Variants in GALNT8 observed in about 807,000 individuals in gnomAD.
GALNT8 encodes probable polypeptide N-acetylgalactosaminyltransferase 8.
In GALNT8, 66 loss-of-function variants were observed where a neutral mutation model predicts 62.7. That is an observed-to-expected ratio of 1.05 (90% confidence interval 0.86 to 1.29). The LOEUF (loss-of-function observed/expected upper bound fraction) is 1.29, where lower values mean the gene tolerates loss of function less well. GALNT8 is among the 50% of genes most tolerant of loss of function. The pLI is 0.00. For synonymous variants in GALNT8, 288 were observed against 294.3 expected (o/e 0.98, Z 0.22); for missense variants, 771 against 791.8 (o/e 0.97, Z 0.32).
At position 4,772,667 on chromosome 12, in the gene GALNT8, A is replaced by G; in HGVS notation, c.*70A>G. ...AATGGCTTCTACTCCTAACACTCCC[A>G]GCTTCTTTCTCAATGAGAAAGAAAG... On this transcript the variant is annotated 3_prime_UTR_variant, in exon 11 of 11. Coordinates refer to ENST00000252318, the MANE Select transcript of GALNT8 (RefSeq NM_017417.2). 8.3e-7 allele frequency: 1 copy of G among 1,204,662 alleles called. No homozygotes were observed. The highest frequency in any genetic ancestry group is 1.2e-6 in the Non-Finnish European group (1 of 826,358). 74.6% of individuals were successfully genotyped at this position (1,204,662 alleles called of 1,614,324 possible). A position where few individuals can be genotyped will look rare whatever the true frequency, so the allele number is the denominator to read the frequency against.
chr12:4,763,823 C>T (rs4766288), intron 8 of GALNT8, 129 bp from the exon 9 acceptor site: 25,995 of 662,572 alleles, frequency 0.039, 699 homozygotes, highest in Non-Finnish European at 0.051. Flanking sequence ...GGGATCCCAG[C>T]CCTCTGCTCC....
At chr12:4,721,647 G>A (rs950067058) in intron 1 of GALNT8, among the ~76,000 whole-genome samples, 1 of 152,166 alleles carries the variant, frequency 6.6e-6, no homozygotes, top group Non-Finnish European at 1.5e-5. Context: ...TCAGTAGATG[G>A]AATATACAAT....
chr12:4,758,631 TGTGTGTGAGAGAGAGA>T (rs1393644042), intron 6 of GALNT8, among the ~76,000 whole-genome samples: 1,265 of 92,940 alleles, frequency 0.014, 7 homozygotes, highest in Middle Eastern at 0.044. Flanking sequence ...TGTGTGTGTG[TGTGTGTGAGAGAGAGA>T]GAGAGAGAGA....
chr12:4,738,590 A>G (rs1946256239), intron 2 of GALNT8, among the ~76,000 whole-genome samples: 1 of 152,164 alleles, frequency 6.6e-6, no homozygotes, highest in African/African-American at 2.4e-5. Context: ...GGGCAAACAT[A>G]TAGAAAAAAC....
rs540543429 is a variant in GALNT8 at position 4,748,843 on chromosome 12, A to G, written c.1173+2585A>G. On this transcript the variant is annotated intron_variant, in intron 6 of 10. Transcript: ENST00000252318. ...TTAATAATATTGATTCTTCCAATCC[A>G]TGAACATGGAATATCTTTCCATTTT... 2.0e-5 allele frequency among the ~76,000 whole-genome samples: 3 copies of G among 152,300 alleles called. No homozygotes were observed. The South Asian group carries it at 6.2e-4, about 32-fold the overall frequency.
chr12:4,737,569 T>C (rs1402285188), intron 2 of GALNT8, among the ~76,000 whole-genome samples: 2 of 152,214 alleles, frequency 1.3e-5, no homozygotes, highest in Non-Finnish European at 2.9e-5. Context: ...AGAAACTATT[T>C]TACCAGAGCC....
chr12:4,766,846 T>C (rs192148832), intron 10 of GALNT8, among the ~76,000 whole-genome samples: 2 of 152,076 alleles, frequency 1.3e-5, no homozygotes, highest in East Asian at 3.9e-4. Context: ...CTTTGAGAAT[T>C]CATTGCTAGC....
Position 4,726,465 on chromosome 12 carries a change from G to T in GALNT8, c.212-67G>T. ...CGTTAGAGGAAATTAGGATGGAAAG[G>T]AATACCCAGGTAACTAAGGAGGGGC... is the stretch of plus-strand genomic sequence containing the variant. On this transcript the variant is annotated intron_variant, in intron 1 of 10. Transcript: ENST00000252318. This position sits in a 1 kb window ranked among gnomAD's most constrained non-coding sequence, Gnocchi z 4.1. The T allele has an allele frequency of 1.8e-6, 2 of 1,083,590 alleles. No homozygotes were observed. The highest frequency in any genetic ancestry group is 2.7e-6 in the Non-Finnish European group (2 of 734,834). The allele number at this position is 1,083,590 out of a possible 1,614,324, so 67.1% of individuals were successfully genotyped here.
intron 1 of GALNT8, among the ~76,000 whole-genome samples, chr12:4,721,907 C>A (rs984930861): frequency 6.6e-6 from 1 of 152,178 alleles, no homozygotes; most frequent in African/African-American, 2.4e-5. Context: ...TGGCCTTCCG[C>A]AGTGTTTTGT....
chr12:4,767,642 A>G (rs973094104), intron 10 of GALNT8, among the ~76,000 whole-genome samples: 4 of 152,218 alleles, frequency 2.6e-5, no homozygotes, highest in Non-Finnish European at 5.9e-5. Flanking sequence ...TGCTGAGCAT[A>G]GTGGTGAGTT....
chr12:4,730,446 C>T (rs1391947030), intron 2 of GALNT8, among the ~76,000 whole-genome samples: 1 of 152,112 alleles, frequency 6.6e-6, no homozygotes, highest in East Asian at 1.9e-4. Flanking sequence ...TCCGTTTTCC[C>T]AAAACCATTT....
intron 2 of GALNT8, among the ~76,000 whole-genome samples, chr12:4,728,029 T>C (rs1443861182): frequency 6.6e-6 from 1 of 152,184 alleles, no homozygotes; most frequent in East Asian, 1.9e-4. Context: ...CTAACATTTG[T>C]TATTATTTTT....
chr12:4,757,697 T>C (rs1025946098), intron 6 of GALNT8, among the ~76,000 whole-genome samples: 3 of 152,150 alleles, frequency 2.0e-5, no homozygotes, highest in African/African-American at 7.2e-5. Context: ...TGCAAAGGAG[T>C]CTGGGAAATA....
chr12:4,750,327 TCCCTCCTCCCACCCTCCA>T (rs1160509810), intron 6 of GALNT8, among the ~76,000 whole-genome samples: 1 of 152,076 alleles, frequency 6.6e-6, no homozygotes, highest in Non-Finnish European at 1.5e-5. Context: ...CCTGATCTTC[TCCCTCCTCCCACCCTCCA>T]CCCTCCACCC....
intron 4 of GALNT8, among the ~76,000 whole-genome samples, chr12:4,745,006 T>C (rs1946290492): frequency 1.3e-5 from 2 of 152,134 alleles, no homozygotes; most frequent in South Asian, 2.1e-4. Context: ...TAGCCTTTGG[T>C]TATTTTAAAG....
At chr12:4,720,933 GTGTT>G (rs1946164863) in intron 1 of GALNT8, 45 bp downstream of exon 1, 1 of 1,198,950 alleles carries the variant, frequency 8.3e-7, no homozygotes. Context: ...GTGGGTGTGT[GTGTT>G]TGGGGCACTT....
intron 9 of GALNT8, among the ~76,000 whole-genome samples, chr12:4,764,857 ATTT>A (rs57897149): frequency 4.9e-5 from 7 of 143,824 alleles, no homozygotes; most frequent in African/African-American, 7.7e-5. Flanking sequence ...TGGCCTGGAC[ATTT>A]TTTTTTTTTT....
At chr12:4,743,211 G>C (rs1324489176) in intron 3 of GALNT8, among the ~76,000 whole-genome samples, 1 of 152,174 alleles carries the variant, frequency 6.6e-6, no homozygotes, top group Non-Finnish European at 1.5e-5. Context: ...ACAGGATGAT[G>C]TAGTGACTGA....
intron 6 of GALNT8, among the ~76,000 whole-genome samples, chr12:4,757,672 A>G (rs2359466): frequency 0.4 from 60,125 of 151,966 alleles, 12,103 homozygotes; most frequent in Admixed American, 0.44. Context: ...ACCTAGTTAC[A>G]TGGCCACACC....
Sources: allele counts gnomAD v4.1 joint callset (sites outside exome capture counted in the v4.1 genomes callset), GRCh38; gene constraint gnomAD v4.1.1; non-coding constraint Gnocchi (gnomAD v3.1); transcripts MANE v1.5; gene names NCBI Gene and HGNC (gene_info 2026-07-23, HGNC 2026-07-21).